The following GPR83 variants were observed in gnomAD, a reference collection of about 807,000 sequenced individuals.
GPR83 encodes G protein-coupled receptor 83, also known as G-protein coupled receptor 72.
In GPR83, 23 loss-of-function variants were observed where a neutral mutation model predicts 28.0. The ratio of observed to expected loss-of-function variants is 0.82; its 90% CI spans 0.59 to 1.16. The LOEUF (loss-of-function observed/expected upper bound fraction) is 1.16, where lower values mean the gene tolerates loss of function less well. GPR83 is among the 50% of genes most tolerant of loss of function. The pLI is 0.00. For synonymous variants in GPR83, 234 were observed against 215.4 expected, an observed-to-expected ratio of 1.09 and a Z score of -0.76; for missense variants, 610 against 536.6, an observed-to-expected ratio of 1.14 and a Z score of -1.35.
chr11:94,386,692 C>A (rs1309822051), intron 3 of GPR83, among the ~76,000 whole-genome samples: 6 of 152,260 alleles, frequency 3.9e-5, no homozygotes, highest in Non-Finnish European at 8.8e-5. Context: ...CCTTAGAGAC[C>A]TACAAAGAGA....
rs755445629 is a variant in GPR83, at chr11:94,380,410, G to C, written c.1011C>G (p.Ser337Arg). 24 of 1,614,038 alleles carry C rather than the reference G, an allele frequency of 1.5e-5. No individual in the cohort carries two copies. In the Admixed American group the frequency reaches 3.8e-4, roughly 26 times the overall value. Residue 337 changes from serine (S) to arginine (R), a missense_variant, in exon 4 of 4, where the codon AGC becomes AGG. Ser to Arg is a moderately radical substitution (Grantham distance 110). Coordinates refer to ENST00000243673, the MANE Select transcript of GPR83 (RefSeq NM_016540.4). ...YFAFHWFAMS[S>R]TCYNPFIYCW... is the part of the protein sequence containing the mutation. ...AGTATATGAAGGGGTTATAGCAGGT[G>C]CTGCTCATGGCAAACCAGTGGAAGG...
intron 3 of GPR83, among the ~76,000 whole-genome samples, chr11:94,390,580 T>C (rs1209184179): frequency 1.3e-5 from 2 of 152,154 alleles, no homozygotes; most frequent in Non-Finnish European, 2.9e-5. Flanking sequence ...AACCCCATTG[T>C]CTCAGCCCAA....
Position 94,380,532 on chromosome 11 carries a change from C to T in GPR83, c.889G>A (p.Val297Met), listed in dbSNP as rs774105447. ...CAGCAGAGGGCAAAGAGGACTACCA[C>T]CAGCATCAACATCTTGATGGTCTTC... ...KKKTIKMLML[V>M]VVLFALCWFP... Residue 297 changes from valine to methionine, a missense_variant, in exon 4 of 4, where the codon GTG becomes ATG. By Grantham distance (21) the Val-to-Met change is conservative. Transcript: ENST00000243673. 4 of 1,614,078 alleles carry T rather than the reference C, an allele frequency of 2.5e-6. No homozygotes were observed. Among genetic ancestry groups the T allele is most frequent in the South Asian group, 2.2e-5 (2 of 91,084 alleles).
chr11:94,386,261 C>A (rs1455590545), intron 3 of GPR83, among the ~76,000 whole-genome samples: 13 of 152,112 alleles, frequency 8.5e-5, no homozygotes, highest in African/African-American at 2.9e-4. Context: ...ATTGTAAAGA[C>A]CATTGAGGCT....
intron 3 of GPR83, among the ~76,000 whole-genome samples, chr11:94,390,207 T>A (rs2134690960): frequency 6.6e-6 from 1 of 151,826 alleles, no homozygotes; most frequent in East Asian, 1.9e-4. Flanking sequence ...CATTAGGAGA[T>A]ATACCTAATG....
Position 94,398,142 on chromosome 11 carries a change from T to C in GPR83, c.388-1618A>G, listed in dbSNP as rs544471128. ...CCATTATCTCTCCCTTGGACTATTA[T>C]AGCCTCTGAACAGCTTTCCCAGTTC... On this transcript the variant is annotated intron_variant, in intron 1 of 3. Coordinates refer to ENST00000243673, the MANE Select transcript of GPR83 (RefSeq NM_016540.4). Among the ~76,000 whole-genome samples, 24 of 152,318 alleles carry C rather than the reference T, an allele frequency of 1.6e-4. 1 individual carries two copies. The East Asian group carries it at 4.6e-3, about 29-fold the overall frequency.
In GPR83 at chr11:94,400,431, G is replaced by GGGAGA. The variant is rs35556766; in HGVS notation, c.387+425_387+429dup. Among the ~76,000 whole-genome samples the GGGAGA allele has an allele frequency of 4.1e-3, 593 of 145,876 alleles. 4 individuals are homozygous for GGGAGA. Among genetic ancestry groups the GGGAGA allele is most frequent in the African/African-American group, 0.015 (538 of 35,742 alleles). ...GGGAGAGAGGAAGAGAGGAGAGGTGGGGAGAGGAGAGGAGAGGAGAGAGAA... is the reference window on the plus strand; with the variant it reads ...GGGAGAGAGGAAGAGAGGAGAGGTGGGGAGAGGAGAGGAGAGGAGAGGAGAGAGAA... On this transcript the variant is annotated intron_variant, in intron 1 of 3. Coordinates refer to ENST00000243673, the MANE Select transcript of GPR83 (RefSeq NM_016540.4).
chr11:94,392,821 G>T (rs893475757), intron 3 of GPR83, among the ~76,000 whole-genome samples: 3 of 148,934 alleles, frequency 2.0e-5, no homozygotes, highest in Non-Finnish European at 4.5e-5. Flanking sequence ...ACGAGACTCT[G>T]TCTCAAAAAA....
intron 3 of GPR83, among the ~76,000 whole-genome samples, chr11:94,389,613 C>T (rs547057108): frequency 2.6e-5 from 4 of 152,202 alleles, no homozygotes; most frequent in African/African-American, 9.6e-5. Context: ...ATCAAAACCA[C>T]AATGAGATAC....
chr11:94,383,505 T>C (rs768893372), intron 3 of GPR83, among the ~76,000 whole-genome samples: 3 of 151,948 alleles, frequency 2.0e-5, no homozygotes, highest in African/African-American at 4.8e-5. Context: ...CTGATGGAGA[T>C]AGAGACAAAA....
At chr11:94,392,384 G>A (rs1233084036) in intron 3 of GPR83, among the ~76,000 whole-genome samples, 3 of 152,014 alleles carry the variant, frequency 2.0e-5, no homozygotes, top group Non-Finnish European at 4.4e-5. Context: ...GTGACGGTTT[G>A]ATGGGTGCAG....
At chr11:94,386,135 G>A (rs1245706799) in intron 3 of GPR83, among the ~76,000 whole-genome samples, 1 of 152,120 alleles carries the variant, frequency 6.6e-6, no homozygotes, top group Non-Finnish European at 1.5e-5. Context: ...TTACGTTACA[G>A]ATAAGCAAAT....
At chr11:94,383,340 G>A (rs989641121) in intron 3 of GPR83, among the ~76,000 whole-genome samples, 1 of 152,140 alleles carries the variant, frequency 6.6e-6, no homozygotes, top group Non-Finnish European at 1.5e-5. Context: ...AAAGCAGTGT[G>A]TAGAGGGAAA....
chr11:94,386,701 G>A (rs1944760555), intron 3 of GPR83, among the ~76,000 whole-genome samples: 1 of 152,130 alleles, frequency 6.6e-6, no homozygotes, highest in African/African-American at 2.4e-5. Context: ...CCTACAAAGA[G>A]ACTTAGACTC....
Position 94,392,017 on chromosome 11 carries a change from C to T in GPR83, c.647+1468G>A, listed in dbSNP as rs191363963. On this transcript the variant is annotated intron_variant, in intron 3 of 3. Transcript: ENST00000243673. ...TAAATCATTCTACTATAAAGACACACGCACACATATGTTTATTGCGGCACT... is the reference window on the plus strand; with the variant it reads ...TAAATCATTCTACTATAAAGACACATGCACACATATGTTTATTGCGGCACT... 2.7e-3 allele frequency among the ~76,000 whole-genome samples: 405 copies of T among 152,140 alleles called. 2 individuals are homozygous for T. The highest frequency in any genetic ancestry group is 8.2e-3 in the African/African-American group (340 of 41,518).
rs1471539585 is a variant in GPR83, at chr11:94,377,625, C to T, written c.*2524G>A. 2.0e-5 allele frequency: 3 copies of T among 152,188 alleles called. No individual in the cohort carries two copies. The highest frequency in any genetic ancestry group is 4.4e-5 in the Non-Finnish European group (3 of 68,032). 9.4% of individuals were successfully genotyped at this position (152,188 alleles called of 1,614,324 possible). The stretch of plus-strand genomic sequence containing the variant: ...TACACATTCAGTAGAAACCATACTT[C>T]GCATATCCATACAACCATTCTGGTT... On this transcript the variant is annotated 3_prime_UTR_variant, in exon 4 of 4. Coordinates refer to ENST00000243673, the MANE Select transcript of GPR83 (RefSeq NM_016540.4).
Position 94,401,322 on chromosome 11 carries a change from G to A in GPR83, c.-75C>T, listed in dbSNP as rs1398657839. 3.5e-6 allele frequency: 5 copies of A among 1,416,522 alleles called. No homozygotes were observed. The highest frequency in any genetic ancestry group is 4.7e-6 in the Non-Finnish European group (5 of 1,067,936). The allele number at this position is 1,416,522 out of a possible 1,614,324, so 87.7% of individuals were successfully genotyped here. A position where few individuals can be genotyped will look rare whatever the true frequency, so the allele number is the denominator to read the frequency against. The stretch of plus-strand genomic sequence containing the variant: ...CCCGCTGGGATCGGAGCGCGCAGCC[G>A]GGGTGCGGGGCGCACAGCATACAAG... On this transcript the variant is annotated 5_prime_UTR_variant, in exon 1 of 4. Transcript: ENST00000243673.
chr11:94,394,693 T>C lies in GPR83; in HGVS notation c.514-1075A>G, dbSNP rs534972444. Among the ~76,000 whole-genome samples the C allele has an allele frequency of 5.4e-4, 82 of 152,240 alleles. 1 individual carries two copies. The South Asian group carries it at 0.015, about 27-fold the overall frequency. Reference sequence around the variant, plus strand: ...GAGGAAGCAATGAGGCTTCAGAAGCTGACAGCACATCTCCCTTCTGGATTC... The same window carrying C: ...GAGGAAGCAATGAGGCTTCAGAAGCCGACAGCACATCTCCCTTCTGGATTC... On this transcript the variant is annotated intron_variant, in intron 2 of 3. Coordinates refer to ENST00000243673, the MANE Select transcript of GPR83 (RefSeq NM_016540.4).
At chr11:94,397,854 T>A (rs1591609013) in intron 1 of GPR83, among the ~76,000 whole-genome samples, 2 of 152,302 alleles carry the variant, frequency 1.3e-5, no homozygotes, top group African/African-American at 4.8e-5. Context: ...GTCTGGAGTG[T>A]GTGAACAAGA....
Sources: allele counts gnomAD v4.1 joint callset (sites outside exome capture counted in the v4.1 genomes callset), GRCh38; gene constraint gnomAD v4.1.1; transcripts MANE v1.5; gene names NCBI Gene and HGNC (gene_info 2026-07-23, HGNC 2026-07-21).